Variants in RPTOR observed in about 807,000 individuals in gnomAD.
The protein encoded by RPTOR is regulatory associated protein of MTOR complex 1.
A neutral mutation model predicts 169.9 loss-of-function variants in RPTOR; 21 were observed. The observed-to-expected ratio is 0.12, with a 90% confidence interval of 0.09 to 0.18. RPTOR has a LOEUF of 0.18. Among genes scored for constraint, RPTOR ranks in the 10% least tolerant of loss-of-function variants. The pLI is 1.00. For synonymous variants in RPTOR, 732 were observed against 753.2 expected, an observed-to-expected ratio of 0.97 and a Z score of 0.46; for missense variants, 1,133 against 1,855.9, an observed-to-expected ratio of 0.61 and a Z score of 7.16.
At chr17:80,775,857 C>T (rs1479491756) in intron 6 of RPTOR, among the ~76,000 whole-genome samples, 1 of 152,204 alleles carries the variant, frequency 6.6e-6, no homozygotes, top group Non-Finnish European at 1.5e-5. Context: ...CATAATTTTA[C>T]TTACTTGGAA....
In RPTOR at chr17:80,803,090, G is replaced by T. The variant is rs118093066; in HGVS notation, c.890+11581G>T. On this transcript the variant is annotated intron_variant, in intron 7 of 33. Coordinates refer to ENST00000306801, the MANE Select transcript of RPTOR (RefSeq NM_020761.3). This position sits in a 1 kb window ranked among gnomAD's most constrained non-coding sequence, Gnocchi z 6.2. ...CTCCTCTGGCAGGGGTGCCTCCTTG[G>T]ATCTGTTTATCCTGCAGGATTCAGT... 4.3e-3 allele frequency: 663 copies of T among 152,502 alleles called. 2 individuals carry two copies. The highest frequency in any genetic ancestry group is 6.8e-3 in the Non-Finnish European group (467 of 68,194). 9.4% of individuals were successfully genotyped at this position (152,502 alleles called of 1,614,324 possible). A position where few individuals can be genotyped will look rare whatever the true frequency, so the allele number is the denominator to read the frequency against.
intron 10 of RPTOR, among the ~76,000 whole-genome samples, chr17:80,843,215 C>T (rs1395194177): frequency 1.3e-5 from 2 of 152,198 alleles, no homozygotes; most frequent in Non-Finnish European, 2.9e-5. Flanking sequence ...ATTGAGCCTT[C>T]TCCTCCCTCA....
chr17:80,548,371 G>GTT lies in RPTOR; in HGVS notation c.162+2606_162+2607dup, dbSNP rs34301408. 7.9e-3 allele frequency among the ~76,000 whole-genome samples: 504 copies of GTT among 63,438 alleles called. 50 individuals carry two copies. The highest frequency in any genetic ancestry group is 0.016 in the African/African-American group (306 of 19,000). 41.6% of individuals were successfully genotyped at this position (63,438 alleles called of 152,430 possible). ...CAGCCAACACGCTCAGCCTGGGGTG[G>GTT]TTTTTTTTTTTTTTTTTTTTTTTTT... On this transcript the variant is annotated intron_variant, in intron 1 of 33. Coordinates refer to ENST00000306801, the MANE Select transcript of RPTOR (RefSeq NM_020761.3).
intron 20 of RPTOR, among the ~76,000 whole-genome samples, chr17:80,895,588 T>G (rs1663993373): frequency 1.3e-5 from 2 of 152,236 alleles, no homozygotes; most frequent in Admixed American, 1.3e-4. Context: ...ACGTGTGTGG[T>G]GCGTGTTCTT....
At chr17:80,744,622 CTAGCAG>C (rs2066545571) in intron 5 of RPTOR, among the ~76,000 whole-genome samples, 1 of 46,172 alleles carries the variant, frequency 2.2e-5, no homozygotes, top group Non-Finnish European at 4.5e-5. Flanking sequence ...GCCCTGGTTA[CTAGCAG>C]AGCCCTGGCT....
chr17:80,665,955 A>G (rs192561976), intron 3 of RPTOR, among the ~76,000 whole-genome samples: 3 of 152,238 alleles, frequency 2.0e-5, no homozygotes, highest in East Asian at 3.9e-4. Context: ...GCCACTGAGT[A>G]TCTCTCCCTC....
chr17:80,655,843 A>T (rs1417218953), intron 3 of RPTOR, among the ~76,000 whole-genome samples: 1 of 152,038 alleles, frequency 6.6e-6, no homozygotes, highest in African/African-American at 2.4e-5. Flanking sequence ...GTCATATGTA[A>T]TGTGTGTAGC....
At chr17:80,654,406 G>A (rs2065664395) in intron 3 of RPTOR, among the ~76,000 whole-genome samples, 1 of 152,242 alleles carries the variant, frequency 6.6e-6, no homozygotes, top group Non-Finnish European at 1.5e-5. Flanking sequence ...AGACGGCGCA[G>A]TCCACTGCCT....
chr17:80,758,835 AGGCAGAT>A (rs1038593691), intron 6 of RPTOR, among the ~76,000 whole-genome samples: 1 of 151,986 alleles, frequency 6.6e-6, no homozygotes. Flanking sequence ...GCAAGTTTTC[AGGCAGAT>A]GGGTGGGGGA....
In RPTOR at chr17:80,952,855, C is replaced by CT. The variant is rs139746545; in HGVS notation, c.3370+3335dup. ...CTCTCCCTTCTCTTTTTCTTTTCTT[C>CT]TTTTTTTTTTTTTTTTTTTTTTTTT... On this transcript the variant is annotated intron_variant, in intron 28 of 33. Coordinates refer to ENST00000306801, the MANE Select transcript of RPTOR (RefSeq NM_020761.3). Among the ~76,000 whole-genome samples the CT allele has an allele frequency of 6.2e-3, 607 of 98,040 alleles. 12 individuals are homozygous for CT. The highest frequency in any genetic ancestry group is 9.1e-3 in the Non-Finnish European group (490 of 53,740). The allele number at this position is 98,040 out of a possible 152,430, so 64.3% of individuals were successfully genotyped here.
In RPTOR at chr17:80,596,182, GGTTT is replaced by G. The variant is rs1246960323; in HGVS notation, c.163-29508_163-29505del. ...ATTTACATTTTATTTTAAGAAAATT[GGTTT>G]TTTGCTGCCTTGATCTCATGCTCAC... On this transcript the variant is annotated intron_variant, in intron 1 of 33. Coordinates refer to ENST00000306801, the MANE Select transcript of RPTOR (RefSeq NM_020761.3). 2.2e-3 allele frequency among the ~76,000 whole-genome samples: 227 copies of G among 102,594 alleles called. 2 individuals are homozygous for G. The highest frequency in any genetic ancestry group is 0.011 in the Middle Eastern group (2 of 186). The allele number at this position is 102,594 out of a possible 152,430, so 67.3% of individuals were successfully genotyped here. A position where few individuals can be genotyped will look rare whatever the true frequency, so the allele number is the denominator to read the frequency against.
rs1259664882 is a variant in RPTOR, at chr17:80,772,535, G to A, written c.830+18350G>A. 5.5e-4 allele frequency among the ~76,000 whole-genome samples: 29 copies of A among 52,730 alleles called. No individual in the cohort carries two copies. The East Asian group carries it at 0.017, about 31-fold the overall frequency. 34.6% of individuals were successfully genotyped at this position (52,730 alleles called of 152,430 possible). A position where few individuals can be genotyped will look rare whatever the true frequency, so the allele number is the denominator to read the frequency against. ...GTTCCCCTTCCCCTCCCCCCCACAT[G>A]CCTGGTCCCCCACCCCTACCCTCCC... is the stretch of plus-strand genomic sequence containing the variant. On this transcript the variant is annotated intron_variant, in intron 6 of 33. Coordinates refer to ENST00000306801, the MANE Select transcript of RPTOR (RefSeq NM_020761.3).
chr17:80,782,375 CTTTA>C (rs146072533), intron 6 of RPTOR, among the ~76,000 whole-genome samples: 7,535 of 152,010 alleles, frequency 0.05, 618 homozygotes, highest in African/African-American at 0.17. Flanking sequence ...AAAAGAATCA[CTTTA>C]TTTATTTATT....
intron 9 of RPTOR, among the ~76,000 whole-genome samples, chr17:80,832,103 C>T (rs1007357530): frequency 7.2e-5 from 11 of 152,160 alleles, no homozygotes; most frequent in South Asian, 2.1e-4. Context: ...CTTGAGACAC[C>T]GGCTGGGTTA....
Position 80,754,180 on chromosome 17 carries a change from G to A in RPTOR, c.825G>A (p.Leu275=). 1 of 1,597,836 alleles carries A rather than the reference G, an allele frequency of 6.3e-7. No individual in the cohort carries two copies. The highest frequency in any genetic ancestry group is 8.6e-7 in the Non-Finnish European group (1 of 1,169,508). Residue 275 remains leucine, a synonymous_variant, in exon 6 of 34, where the codon CTG becomes CTA. Coordinates refer to ENST00000306801, the MANE Select transcript of RPTOR (RefSeq NM_020761.3). This position sits in a 1 kb window ranked among gnomAD's most constrained non-coding sequence, Gnocchi z 4.2. ...SCLTTPIKIA[L]RWFCMQKCVS... is the part of the protein sequence containing the mutation. ...TCACCACCCCCATCAAGATCGCCCT[G>A]CGCTGGTGAGTGGCCCCTGCTGTGC...
chr17:80,924,288 G>C (rs960207888), intron 23 of RPTOR: 3 of 152,342 alleles, frequency 2.0e-5, no homozygotes, highest in African/African-American at 7.2e-5. Flanking sequence ...CACTTTGTCA[G>C]TTGAGGGCAC....
intron 33 of RPTOR, 145 bp downstream of exon 33, chr17:80,963,202 G>A: frequency 1.2e-6 from 1 of 813,030 alleles, no homozygotes; most frequent in Non-Finnish European, 1.9e-6. Context: ...ACTTGCCTGG[G>A]TCCCAGGATC....
At chr17:80,759,416 C>T (rs1466418969) in intron 6 of RPTOR, among the ~76,000 whole-genome samples, 3 of 151,990 alleles carry the variant, frequency 2.0e-5, no homozygotes, top group Non-Finnish European at 4.4e-5. Context: ...GATACAGTTA[C>T]CATAAGAGGG....
intron 9 of RPTOR, among the ~76,000 whole-genome samples, chr17:80,836,655 A>AG (rs1404641949): frequency 1.3e-5 from 2 of 152,102 alleles, no homozygotes; most frequent in East Asian, 1.9e-4. Flanking sequence ...AGAAAGGCTT[A>AG]GGGGGGCTGT....
Sources: gnomAD v4.1 joint callset for allele counts (sites outside exome capture counted in the v4.1 genomes callset) on GRCh38, gnomAD v4.1.1 for gene constraint, Gnocchi (gnomAD v3.1) non-coding constraint, MANE v1.5 for transcripts, NCBI Gene and HGNC (gene_info 2026-07-23, HGNC 2026-07-21) for gene names.